Variants in DLC1 observed in about 807,000 individuals in gnomAD.
The protein encoded by DLC1 is rho GTPase-activating protein 7.
DLC1 carries 54 observed loss-of-function variants against 140.3 expected under a neutral mutation model. The observed-to-expected ratio is 0.38, with a 90% CI of 0.31 to 0.48. The LOEUF (loss-of-function observed/expected upper bound fraction) is 0.48, where lower values mean the gene tolerates loss of function less well. Ranked by LOEUF, DLC1 falls within the 20% of genes least tolerant of loss-of-function variation. DLC1 has a pLI of 0.96. For synonymous variants in DLC1, 986 were observed against 728.1 expected (o/e 1.35, Z -5.70); for missense variants, 2,536 against 1,907.0 (o/e 1.33, Z -6.14).
At chr8:13,365,530 C>T (rs749872183) in intron 4 of DLC1, among the ~76,000 whole-genome samples, 1 of 152,126 alleles carries the variant, frequency 6.6e-6, no homozygotes, top group South Asian at 2.1e-4. Flanking sequence ...GTTGGAGGGA[C>T]AAATGCCAGA....
chr8:13,286,513 A>C (rs540363088), intron 5 of DLC1, among the ~76,000 whole-genome samples: 1 of 152,316 alleles, frequency 6.6e-6, no homozygotes, highest in South Asian at 2.1e-4. Context: ...ATGTCAACTC[A>C]ATAATGATGT....
intron 5 of DLC1, among the ~76,000 whole-genome samples, chr8:13,244,541 C>A (rs1022755043): frequency 1.3e-5 from 2 of 152,036 alleles, no homozygotes; most frequent in African/African-American, 4.8e-5. Context: ...TAAAGTGATC[C>A]TCCCACTTCA....
At chr8:13,409,718 A>G (rs534379879) in intron 2 of DLC1, among the ~76,000 whole-genome samples, 1 of 152,262 alleles carries the variant, frequency 6.6e-6, no homozygotes, top group East Asian at 1.9e-4. Flanking sequence ...GGTCTCTCAA[A>G]GGCTTGTTTC....
At chr8:13,301,016 G>A (rs558241169) in intron 5 of DLC1, among the ~76,000 whole-genome samples, 21 of 152,074 alleles carry the variant, frequency 1.4e-4, no homozygotes, top group Non-Finnish European at 2.8e-4. Flanking sequence ...GTGTGTAGAA[G>A]GTGGAGGAGC....
chr8:13,563,903 A>G (rs1804333615), intron 1 of DLC1, among the ~76,000 whole-genome samples: 1 of 152,184 alleles, frequency 6.6e-6, no homozygotes, highest in African/African-American at 2.4e-5. Context: ...TTTATTACTA[A>G]CTGGAAAAAA....
At chr8:13,251,752 A>C (rs999319507) in intron 5 of DLC1, among the ~76,000 whole-genome samples, 1 of 152,174 alleles carries the variant, frequency 6.6e-6, no homozygotes, top group African/African-American at 2.4e-5. Flanking sequence ...TTCATCTTTA[A>C]AATGGGGGAT....
chr8:13,188,816 TATATATATATGTATATATATATATATA>T (rs1826552484), intron 5 of DLC1, among the ~76,000 whole-genome samples: 3 of 102,034 alleles, frequency 2.9e-5, no homozygotes, highest in Non-Finnish European at 5.7e-5. Flanking sequence ...TATATATATA[TATATATATATGTATATATATATATATA>T]TTTTTTTTTT....
chr8:13,421,689 G>A (rs1288849807), intron 2 of DLC1, among the ~76,000 whole-genome samples: 2 of 152,110 alleles, frequency 1.3e-5, no homozygotes, highest in Non-Finnish European at 2.9e-5. Flanking sequence ...TTGAAAAATA[G>A]CCTTTTGCTT....
intron 5 of DLC1, chr8:13,133,314 G>A (rs930671224): frequency 1.7e-6 from 2 of 1,204,890 alleles, no homozygotes; most frequent in Admixed American, 4.6e-5. Context: ...CCGCCAGCCG[G>A]GCCCTCCCGC....
In DLC1 at chr8:13,602,596, A is replaced by G. The variant is rs1257534070; in HGVS notation, c.-126+1941T>C. 2.6e-5 allele frequency among the ~76,000 whole-genome samples: 4 copies of G among 151,998 alleles called. No individual in the cohort carries two copies. The East Asian group carries it at 7.7e-4, about 29-fold the overall frequency. ...CTGTATATGAAACAAGAATGACTCT[A>G]TGTGTTAATTGTCAAAACAGTCCTG... On this transcript the variant is annotated intron_variant, in intron 1 of 1. Transcript: ENST00000631382.
At chr8:13,453,519 T>TATATATATATAC (rs1563360744) in intron 2 of DLC1, among the ~76,000 whole-genome samples, 1 of 44,686 alleles carries the variant, frequency 2.2e-5, no homozygotes, top group African/African-American at 9.5e-5. Flanking sequence ...TATATACATA[T>TATATATATATAC]ATATATATGT....
intron 4 of DLC1, among the ~76,000 whole-genome samples, chr8:13,376,006 G>C (rs1243799347): frequency 6.6e-6 from 1 of 152,138 alleles, no homozygotes; most frequent in Non-Finnish European, 1.5e-5. Context: ...ATTTTCACAT[G>C]CACGAACCGA....
At chr8:13,348,749 G>A (rs73566453) in intron 4 of DLC1, among the ~76,000 whole-genome samples, 11,375 of 152,218 alleles carry the variant, frequency 0.075, 502 homozygotes, top group South Asian at 0.094. Flanking sequence ...AAATGGAAGC[G>A]AAGGTAACAG....
chr8:13,192,630 A>G (rs1189007299), intron 5 of DLC1, among the ~76,000 whole-genome samples: 2 of 152,208 alleles, frequency 1.3e-5, no homozygotes, highest in African/African-American at 2.4e-5. Flanking sequence ...CTCAAAGTTC[A>G]TATTTTGAAG....
chr8:13,284,520 C>T (rs1034334252), intron 5 of DLC1, among the ~76,000 whole-genome samples: 3 of 151,938 alleles, frequency 2.0e-5, no homozygotes, highest in Admixed American at 1.3e-4. Flanking sequence ...GAGCAAGATT[C>T]CGTCTGAAAA....
intron 2 of DLC1, among the ~76,000 whole-genome samples, chr8:13,459,580 G>T (rs1799565946): frequency 6.6e-6 from 1 of 152,088 alleles, no homozygotes; most frequent in African/African-American, 2.4e-5. Context: ...ATGGGGGCAG[G>T]GGCTGGGAGT....
chr8:13,263,446 C>T (rs1244018637), intron 5 of DLC1, among the ~76,000 whole-genome samples: 2 of 151,956 alleles, frequency 1.3e-5, no homozygotes, highest in African/African-American at 4.8e-5. Flanking sequence ...TATAAGAAAC[C>T]ACAGTAAGAT....
chr8:13,521,408 TAA>T (rs376802924), intron 1 of DLC1, among the ~76,000 whole-genome samples: 2 of 129,580 alleles, frequency 1.5e-5, no homozygotes, highest in African/African-American at 5.3e-5. Flanking sequence ...AACTTAAAAT[TAA>T]AAAAAAAAAA....
intron 2 of DLC1, among the ~76,000 whole-genome samples, chr8:13,470,617 C>G (rs1348333660): frequency 1.3e-5 from 2 of 152,038 alleles, no homozygotes; most frequent in South Asian, 4.1e-4. Context: ...TTGGTGAAAG[C>G]GTGGAGAAAA....
Sources: allele counts gnomAD v4.1 joint callset (sites outside exome capture counted in the v4.1 genomes callset), GRCh38; gene constraint gnomAD v4.1.1; transcripts MANE v1.5; gene names NCBI Gene and HGNC (gene_info 2026-07-23, HGNC 2026-07-21).